Variants in ZNF850 observed in about 807,000 individuals in gnomAD.
ZNF850 encodes zinc finger protein 850.
A neutral mutation model predicts 11.9 loss-of-function variants in ZNF850; 2 were observed. The observed-to-expected ratio is 0.17, with a 90% CI of 0.07 to 0.53. The LOEUF (loss-of-function observed/expected upper bound fraction) is 0.53, where lower values mean the gene tolerates loss of function less well. ZNF850 is among the 20% of genes least tolerant of loss of function. ZNF850 has a pLI of 0.94. For synonymous variants in ZNF850, 381 were observed against 443.0 expected (o/e 0.86, Z 1.76); for missense variants, 1,014 against 1,316.4 (o/e 0.77, Z 3.55).
chr19:36,753,972 G>A (rs2040469979), intron 4 of ZNF850, among the ~76,000 whole-genome samples: 1 of 151,800 alleles, frequency 6.6e-6, no homozygotes, highest in African/African-American at 2.4e-5. Flanking sequence ...GGCAACAGAA[G>A]ACAGGAAAAG....
rs1361736780 is a variant in ZNF850, at chr19:36,755,816, T to C, written c.236-5012A>G. Among the ~76,000 whole-genome samples, 4 of 151,592 alleles carry C rather than the reference T, an allele frequency of 2.6e-5. No individual in the cohort carries two copies. The East Asian group carries it at 7.7e-4, about 29-fold the overall frequency. On this transcript the variant is annotated intron_variant, in intron 4 of 4. Transcript: ENST00000591344. ...ATACTAATATTAAAGAGAATTATTA[T>C]GTTTAATAATGCTTAAAGAAGTTAG...
intron 4 of ZNF850, among the ~76,000 whole-genome samples, chr19:36,752,703 G>T (rs76031305): frequency 0.021 from 3,242 of 152,206 alleles, 53 homozygotes; most frequent in Middle Eastern, 0.051. Flanking sequence ...AATGACAGAT[G>T]ATCCAGTTTC....
intron 1 of ZNF850, among the ~76,000 whole-genome samples, chr19:36,763,628 C>T (rs1377802320): frequency 3.3e-5 from 5 of 151,724 alleles, no homozygotes; most frequent in Admixed American, 1.3e-4. Flanking sequence ...GATAGCACTT[C>T]GATAATTAAA....
Position 36,749,041 on chromosome 19 carries a change from G to A in ZNF850, c.1999C>T (p.His667Tyr). ...VSGLTQHHRI[H>Y]TGEKPYECPD... ...CATTCATAGGGTTTCTCACCAGTGT[G>A]AATTCTGTGATGTTGGGTGAGTCCT... is the stretch of plus-strand genomic sequence containing the variant. Residue 667 changes from histidine (H) to tyrosine (Y), a missense_variant, in exon 5 of 5, where the codon CAC (histidine) becomes TAC (tyrosine). Transcript: ENST00000591344. The A allele has an allele frequency of 6.2e-7, 1 of 1,608,484 alleles. No individual in the cohort carries two copies. The highest frequency in any genetic ancestry group is 8.5e-7 in the Non-Finnish European group (1 of 1,178,314).
chr19:36,751,590 C>A (rs544012740), intron 4 of ZNF850, among the ~76,000 whole-genome samples: 1 of 145,068 alleles, frequency 6.9e-6, no homozygotes, highest in Non-Finnish European at 1.5e-5. Context: ...CTCAGCTACT[C>A]GGGAGGCTGA....
chr19:36,752,295 G>T (rs1023883825), intron 4 of ZNF850, among the ~76,000 whole-genome samples: 1 of 152,158 alleles, frequency 6.6e-6, no homozygotes, highest in Non-Finnish European at 1.5e-5. Context: ...GATTAGAACA[G>T]AAAGTGTGCA....
chr19:36,759,944 G>A (rs1224138775), intron 4 of ZNF850, among the ~76,000 whole-genome samples: 1 of 152,086 alleles, frequency 6.6e-6, no homozygotes, highest in African/African-American at 2.4e-5. Flanking sequence ...TATTGAAAAT[G>A]GATCACTCCT....
Position 36,747,548 on chromosome 19 carries a change from A to C in ZNF850, c.*219T>G. On this transcript the variant is annotated 3_prime_UTR_variant, in exon 5 of 5. Coordinates refer to ENST00000591344, the MANE Select transcript of ZNF850 (RefSeq NM_001193552.2). ...CTACTAGGGAGGCTGAGGCAGGAGA[A>C]TGGCATGAACCCAGGAGGCAGAGCT... 2.5e-6 allele frequency: 1 copy of C among 392,468 alleles called. No homozygotes were observed. The highest frequency in any genetic ancestry group is 4.5e-6 in the Non-Finnish European group (1 of 222,204). The allele number at this position is 392,468 out of a possible 1,614,324, so 24.3% of individuals were successfully genotyped here. A position where few individuals can be genotyped will look rare whatever the true frequency, so the allele number is the denominator to read the frequency against.
intron 3 of ZNF850, 138 bp downstream of exon 3, chr19:36,762,167 T>C (rs565704708): frequency 4.5e-6 from 3 of 659,946 alleles, no homozygotes; most frequent in South Asian, 5.2e-5. Context: ...ATGGAGAAGA[T>C]GGAGTGACCC....
At chr19:36,751,065 TAAAAA>T (rs34721047) in intron 4 of ZNF850, among the ~76,000 whole-genome samples, 4 of 89,434 alleles carry the variant, frequency 4.5e-5, no homozygotes, top group Non-Finnish European at 8.5e-5. Context: ...GACCCTGTCT[TAAAAA>T]AAAAAAAAAA....
chr19:36,754,850 C>T (rs925815989), intron 4 of ZNF850, among the ~76,000 whole-genome samples: 2 of 151,748 alleles, frequency 1.3e-5, no homozygotes, highest in African/African-American at 4.8e-5. Flanking sequence ...CGACCACGCA[C>T]GGCTGATTGT....
chr19:36,761,805 G>A, intron 3 of ZNF850, 67 bp from the exon 4 acceptor site: 1 of 937,064 alleles, frequency 1.1e-6, no homozygotes, highest in Non-Finnish European at 1.6e-6. Flanking sequence ...CAGCACTTTG[G>A]GAGACCAAAA....
rs1274739978 is a variant in ZNF850 at position 36,744,306 on chromosome 19, T to G, written c.*3461A>C. The G allele has an allele frequency of 1.3e-5, 2 of 152,088 alleles. No homozygotes were observed. Among genetic ancestry groups the G allele is most frequent in the Non-Finnish European group, 2.9e-5 (2 of 68,020 alleles). 9.4% of individuals were successfully genotyped at this position (152,088 alleles called of 1,614,324 possible). A position where few individuals can be genotyped will look rare whatever the true frequency, so the allele number is the denominator to read the frequency against. Reference sequence around the variant, plus strand: ...AATTCTACTTTTTTCATAAAAAGAGTTAATTTTTAAAAGTGAAAAGTAAAA... The same window carrying G: ...AATTCTACTTTTTTCATAAAAAGAGGTAATTTTTAAAAGTGAAAAGTAAAA... On this transcript the variant is annotated 3_prime_UTR_variant, in exon 5 of 5. Coordinates refer to ENST00000591344, the MANE Select transcript of ZNF850 (RefSeq NM_001193552.2).
chr19:36,748,129 G>A lies in ZNF850; in HGVS notation c.2911C>T (p.His971Tyr). 1.3e-6 allele frequency: 2 copies of A among 1,550,062 alleles called. No homozygotes were observed. The highest frequency in any genetic ancestry group is 1.7e-6 in the Non-Finnish European group (2 of 1,150,318). The change falls in exon 5 of 5, where the codon CAT becomes TAT. Residue 971 changes from histidine (H) to tyrosine (Y), a missense_variant. Physicochemically the swap from His to Tyr is moderately conservative, Grantham distance 83 (BLOSUM62 2). Transcript: ENST00000591344. ...SFRQRTHLTL[H>Y]QRIHTGDRPY... ...CTGTCACCGGTATGAATTCTCTGAT[G>A]TAGAGTAAGGTGTGTACGCTGTCTG...
chr19:36,754,910 A>C (rs1055562034), intron 4 of ZNF850, among the ~76,000 whole-genome samples: 1 of 152,170 alleles, frequency 6.6e-6, no homozygotes, highest in South Asian at 2.1e-4. Context: ...AAGCACCCAG[A>C]AAATATAAAA....
intron 4 of ZNF850, among the ~76,000 whole-genome samples, chr19:36,753,628 T>G (rs779194881): frequency 6.0e-5 from 9 of 150,196 alleles, no homozygotes; most frequent in Non-Finnish European, 1.3e-4. Flanking sequence ...ATCCCAATAA[T>G]AAGAACAAAA....
chr19:36,748,978 G>C lies in ZNF850; in HGVS notation c.2062C>G (p.Leu688Val), dbSNP rs2040432727. The C allele has an allele frequency of 6.2e-7, 1 of 1,602,644 alleles. No individual in the cohort carries two copies. The highest frequency in any genetic ancestry group is 8.5e-7 in the Non-Finnish European group (1 of 1,175,382). The change falls in exon 5 of 5, where the codon CTT becomes GTT. Residue 688 changes from leucine (L) to valine (V), a missense_variant. Leu to Val is a conservative substitution (Grantham distance 32). Transcript: ENST00000591344. The stretch of plus-strand genomic sequence containing the variant: ...GTATGAATTCTCCGATGTTGATTAA[G>C]GTATGTACGCTGTCTAAAGGCCTTC... ...CGKAFRQRTY[L>V]NQHRRIHTGE... is the part of the protein sequence containing the mutation.
chr19:36,761,980 A>G (rs1460857263), intron 3 of ZNF850, among the ~76,000 whole-genome samples: 1 of 146,100 alleles, frequency 6.8e-6, no homozygotes, highest in African/African-American at 2.5e-5. Context: ...CGAGAGACGG[A>G]GGTTGGAGTG....
Position 36,748,674 on chromosome 19 carries a change from T to A in ZNF850, c.2366A>T (p.Glu789Val), listed in dbSNP as rs1219592827. 2 of 1,537,820 alleles carry A rather than the reference T, an allele frequency of 1.3e-6. No individual in the cohort carries two copies. The highest frequency in any genetic ancestry group is 1.7e-4 in the Middle Eastern group (1 of 5,992). ...ATGAGAAGTAAAAGATTTCCCACAT[T>A]CCTTACAATCATAGAGCTTCTCACC... Reference protein sequence around the residue: ...HTGEKLYDCKECGKSFTSHST... With the variant: ...HTGEKLYDCKVCGKSFTSHST... The change falls in exon 5 of 5, where the codon GAA becomes GTA. Residue 789 changes from glutamate (E) to valine (V), a missense_variant. Coordinates refer to ENST00000591344, the MANE Select transcript of ZNF850 (RefSeq NM_001193552.2).
Sources: gnomAD v4.1 joint callset for allele counts (sites outside exome capture counted in the v4.1 genomes callset) on GRCh38, gnomAD v4.1.1 for gene constraint, MANE v1.5 for transcripts, NCBI Gene and HGNC (gene_info 2026-07-23, HGNC 2026-07-21) for gene names.